Variants in LRRC63 observed in about 807,000 individuals in gnomAD.
The protein encoded by LRRC63 is leucine-rich repeat-containing protein 63.
In LRRC63, 40 loss-of-function variants were observed where a neutral mutation model predicts 49.5. That is an observed-to-expected ratio of 0.81 (90% CI 0.63 to 1.05). The LOEUF is 1.05. LRRC63 is among the 50% of genes least tolerant of loss of function. The pLI, the probability that LRRC63 is intolerant of heterozygous loss-of-function variation, is 0.00. For missense variants in LRRC63, 636 were observed against 663.1 expected, an observed-to-expected ratio of 0.96 and a Z score of 0.45; for synonymous variants, 191 against 221.1, an observed-to-expected ratio of 0.86 and a Z score of 1.21.
At chr13:46,214,711 GC>G (rs2138337064) in intron 2 of LRRC63, among the ~76,000 whole-genome samples, 1 of 150,638 alleles carries the variant, frequency 6.6e-6, no homozygotes, top group South Asian at 2.1e-4. Flanking sequence ...GTATACATAT[GC>G]CATGGTGATT....
chr13:46,217,314 G>A (rs1016899793), intron 2 of LRRC63, among the ~76,000 whole-genome samples: 4 of 152,066 alleles, frequency 2.6e-5, no homozygotes, highest in African/African-American at 7.2e-5. Context: ...TCAGGGACTC[G>A]ACTTCTTCCT....
At chr13:46,254,079 AAC>A (rs2047450671) in intron 7 of LRRC63, among the ~76,000 whole-genome samples, 1 of 152,160 alleles carries the variant, frequency 6.6e-6, no homozygotes, top group Non-Finnish European at 1.5e-5. Flanking sequence ...AAGTATGACC[AAC>A]AGTGTCAAAT....
At chr13:46,240,791 C>G (rs901134096) in intron 5 of LRRC63, among the ~76,000 whole-genome samples, 1 of 152,086 alleles carries the variant, frequency 6.6e-6, no homozygotes, top group East Asian at 1.9e-4. Flanking sequence ...TGAACGATCT[C>G]TACAAGGAGA....
At chr13:46,238,315 C>T (rs1457853671) in intron 5 of LRRC63, among the ~76,000 whole-genome samples, 3 of 152,040 alleles carry the variant, frequency 2.0e-5, no homozygotes, top group Non-Finnish European at 2.9e-5. Context: ...AGAACTCTAC[C>T]CCTAAAACAA....
chr13:46,268,209 T>C (rs1010355029), intron 9 of LRRC63, among the ~76,000 whole-genome samples: 12 of 151,930 alleles, frequency 7.9e-5, no homozygotes, highest in Non-Finnish European at 1.6e-4. Context: ...AAAAATATAA[T>C]AGTTAACATT....
chr13:46,272,410 C>G (rs948772961), intron 9 of LRRC63, among the ~76,000 whole-genome samples: 6 of 152,136 alleles, frequency 3.9e-5, no homozygotes, highest in African/African-American at 1.4e-4. Flanking sequence ...CACTAGTAAT[C>G]AAGAAACTGC....
chr13:46,244,649 A>T (rs1285401928), intron 5 of LRRC63, among the ~76,000 whole-genome samples: 1 of 152,256 alleles, frequency 6.6e-6, no homozygotes, highest in African/African-American at 2.4e-5. Flanking sequence ...TGACATGTAC[A>T]TGTAGTTCTA....
chr13:46,231,873 T>TGGCAAGATCTCGGCTCACTGC (rs2046770431), intron 4 of LRRC63, among the ~76,000 whole-genome samples: 1 of 143,114 alleles, frequency 7.0e-6, no homozygotes, highest in Non-Finnish European at 1.5e-5. Flanking sequence ...TGGAGAGCTG[T>TGGCAAGATCTCGGCTCACTGC]GGCAAGATCT....
intron 2 of LRRC63, among the ~76,000 whole-genome samples, chr13:46,221,756 G>A (rs2046412715): frequency 6.6e-6 from 1 of 150,400 alleles, no homozygotes. Flanking sequence ...TTGCTACTGG[G>A]GAGTGGGGGT....
intron 7 of LRRC63, among the ~76,000 whole-genome samples, chr13:46,258,390 A>G (rs2138563187): frequency 6.6e-6 from 1 of 150,802 alleles, no homozygotes; most frequent in African/African-American, 2.4e-5. Context: ...CGGCCTCCCA[A>G]AGTGCTGGGA....
At chr13:46,228,187 T>C (rs1397721921) in exon 3 of LRRC63, 1 of 1,538,010 alleles carries the variant, frequency 6.5e-7, no homozygotes, top group South Asian at 1.2e-5. Flanking sequence ...CAGTCTGTGA[T>C]AGGTAAATAC....
chr13:46,212,868 TCATAAAGG>T, intron 1 of LRRC63, 126 bp from the exon 2 acceptor site: 4 of 517,942 alleles, frequency 7.7e-6, no homozygotes, highest in African/African-American at 3.8e-5. Flanking sequence ...TCTTTTTTTT[TCATAAAGG>T]AATTCTGCCT....
At chr13:46,270,243 T>C (rs1369665020) in intron 9 of LRRC63, 4 of 883,938 alleles carry the variant, frequency 4.5e-6, no homozygotes, top group East Asian at 2.4e-5. Flanking sequence ...TCTCATCCAG[T>C]TCTTCAGAGT....
At chr13:46,240,244 A>G (rs569421717) in intron 5 of LRRC63, among the ~76,000 whole-genome samples, 1 of 150,432 alleles carries the variant, frequency 6.6e-6, no homozygotes, top group East Asian at 2.0e-4. Flanking sequence ...CTCCTGCCTC[A>G]GCCTCCTGAG....
intron 4 of LRRC63, among the ~76,000 whole-genome samples, chr13:46,229,115 T>C (rs943363327): frequency 3.9e-5 from 6 of 152,122 alleles, no homozygotes; most frequent in Admixed American, 3.9e-4. Context: ...TCAAATATAG[T>C]GTGTGGCAAA....
intron 8 of LRRC63, among the ~76,000 whole-genome samples, chr13:46,266,234 A>G (rs1225571161): frequency 6.6e-6 from 1 of 152,236 alleles, no homozygotes; most frequent in Non-Finnish European, 1.5e-5. Context: ...TGAATAAATA[A>G]TAAGGGTTAT....
At chr13:46,226,039 A>AGT (rs1347165856) in intron 2 of LRRC63, among the ~76,000 whole-genome samples, 1 of 151,202 alleles carries the variant, frequency 6.6e-6, no homozygotes, top group Non-Finnish European at 1.5e-5. Flanking sequence ...GTTGAAGTGC[A>AGT]GTGGTACAAT....
intron 9 of LRRC63, chr13:46,270,089 C>T (rs1054712780): frequency 3.3e-6 from 2 of 608,348 alleles, no homozygotes; most frequent in Non-Finnish European, 6.0e-6. Flanking sequence ...GGCTACCGAG[C>T]GCCAAACCGC....
intron 2 of LRRC63, among the ~76,000 whole-genome samples, chr13:46,224,029 G>A (rs2046495885): frequency 6.6e-6 from 1 of 152,168 alleles, no homozygotes; most frequent in African/African-American, 2.4e-5. Context: ...GTGCCATGGG[G>A]AAGACATTTT....
Sources: gnomAD v4.1 joint callset for allele counts (sites outside exome capture counted in the v4.1 genomes callset) on GRCh38, gnomAD v4.1.1 for gene constraint, MANE v1.5 for transcripts, NCBI Gene and HGNC (gene_info 2026-07-23, HGNC 2026-07-21) for gene names.